The following PARD3B variants were observed in gnomAD, a reference collection of about 807,000 sequenced individuals.
PARD3B encodes par-3 family cell polarity regulator beta.
A neutral mutation model predicts 130.2 loss-of-function variants in PARD3B; 103 were observed. The ratio of observed to expected loss-of-function variants is 0.79; its 90% CI spans 0.67 to 0.93. PARD3B has a LOEUF of 0.93. Among genes scored for constraint, PARD3B ranks in the 40% least tolerant of loss-of-function variants. PARD3B has a pLI of 0.00. For synonymous variants in PARD3B, 583 were observed against 553.2 expected (o/e 1.05, Z -0.76); for missense variants, 1,609 against 1,499.2 (o/e 1.07, Z -1.21).
At chr2:205,481,179 C>A (rs1398522027) in intron 20 of PARD3B, among the ~76,000 whole-genome samples, 1 of 152,054 alleles carries the variant, frequency 6.6e-6, no homozygotes, top group African/African-American at 2.4e-5. Flanking sequence ...TTGATATGAT[C>A]TTAATTATAT....
chr2:205,141,622 A>G (rs1031369346), intron 10 of PARD3B, among the ~76,000 whole-genome samples: 1 of 152,222 alleles, frequency 6.6e-6, no homozygotes, highest in African/African-American at 2.4e-5. Flanking sequence ...ATTTTCTTGC[A>G]TAGCTCAGCC....
Position 204,555,196 on chromosome 2 carries a change from C to A in PARD3B, c.120+9077C>A, listed in dbSNP as rs76164662. Among the ~76,000 whole-genome samples the A allele has an allele frequency of 6.4e-4, 98 of 152,274 alleles. No homozygotes were observed. In the East Asian group the frequency reaches 0.019, roughly 29 times the overall value. On this transcript the variant is annotated intron_variant, in intron 1 of 22. Transcript: ENST00000406610. Reference sequence around the variant, plus strand: ...ACCCTTGGAAGCTTGTGCCTGGTTTCCTGCAGACTTCGCTCTGAATGCCAG... The same window carrying A: ...ACCCTTGGAAGCTTGTGCCTGGTTTACTGCAGACTTCGCTCTGAATGCCAG...
intron 18 of PARD3B, among the ~76,000 whole-genome samples, chr2:205,342,464 G>T (rs2043579654): frequency 6.6e-6 from 1 of 152,124 alleles, no homozygotes; most frequent in South Asian, 2.1e-4. Flanking sequence ...TCATTTCTTT[G>T]TTTTAAAATT....
At chr2:204,809,251 CT>C (rs2042880572) in intron 2 of PARD3B, among the ~76,000 whole-genome samples, 1 of 152,002 alleles carries the variant, frequency 6.6e-6, no homozygotes, top group South Asian at 2.1e-4. Flanking sequence ...TTGAAAGTTT[CT>C]TTTGCTGTTA....
At chr2:204,777,958 CCTT>C (rs1180403737) in intron 2 of PARD3B, among the ~76,000 whole-genome samples, 1 of 152,004 alleles carries the variant, frequency 6.6e-6, no homozygotes, top group Non-Finnish European at 1.5e-5. Context: ...GACAGTTTCT[CCTT>C]CACACACTCT....
chr2:204,822,161 A>C (rs2043386430), intron 2 of PARD3B, among the ~76,000 whole-genome samples: 1 of 152,208 alleles, frequency 6.6e-6, no homozygotes, highest in East Asian at 1.9e-4. Flanking sequence ...GTTTGGAAGA[A>C]GTTGATTCTA....
chr2:205,466,762 G>A (rs2106243281), intron 20 of PARD3B, among the ~76,000 whole-genome samples: 1 of 152,328 alleles, frequency 6.6e-6, no homozygotes, highest in African/African-American at 2.4e-5. Context: ...GCCCAGGCTG[G>A]AGTGCAGTGG....
At chr2:205,490,920 G>A (rs1293758194) in intron 20 of PARD3B, among the ~76,000 whole-genome samples, 2 of 152,194 alleles carry the variant, frequency 1.3e-5, no homozygotes, top group Non-Finnish European at 2.9e-5. Context: ...TTTGAGAAGT[G>A]TCTGTTCATA....
At chr2:204,668,519 A>C (rs1249085412) in intron 1 of PARD3B, among the ~76,000 whole-genome samples, 3 of 152,202 alleles carry the variant, frequency 2.0e-5, no homozygotes, top group South Asian at 4.1e-4. Context: ...TTCTAAATTA[A>C]CACTAAAAGT....
chr2:205,401,228 G>T, intron 19 of PARD3B, 105 bp downstream of exon 19: 1 of 862,658 alleles, frequency 1.2e-6, no homozygotes, highest in Non-Finnish European at 1.8e-6. Context: ...AGAAGTATAG[G>T]GGTTGACCGA....
rs187381493 is a variant in PARD3B at position 205,213,707 on chromosome 2, C to T, written c.2140+20387C>T. On this transcript the variant is annotated intron_variant, in intron 15 of 22. Coordinates refer to ENST00000406610, the MANE Select transcript of PARD3B (RefSeq NM_001302769.2). ...AGGTAGCCCAGAACATAGCACCATA[C>T]GCTCATATTCACTTACCTGGTTTTG... Among the ~76,000 whole-genome samples the T allele has an allele frequency of 3.5e-4, 54 of 152,200 alleles. 1 individual carries two copies. Among genetic ancestry groups the T allele is most frequent in the Admixed American group, 8.5e-4 (13 of 15,272 alleles).
chr2:205,378,896 C>A (rs551517290), intron 18 of PARD3B, among the ~76,000 whole-genome samples: 1 of 151,680 alleles, frequency 6.6e-6, no homozygotes, highest in African/African-American at 2.4e-5. Flanking sequence ...TCGCAAAGTG[C>A]TGGGATTACA....
At chr2:205,112,005 A>G (rs1051054870) in intron 5 of PARD3B, among the ~76,000 whole-genome samples, 1 of 152,078 alleles carries the variant, frequency 6.6e-6, no homozygotes, top group Non-Finnish European at 1.5e-5. Context: ...TTATATTCAG[A>G]CCTTATAATG....
At chr2:205,358,444 T>C (rs778986358) in intron 18 of PARD3B, among the ~76,000 whole-genome samples, 43 of 152,214 alleles carry the variant, frequency 2.8e-4, no homozygotes, top group Non-Finnish European at 5.3e-4. Context: ...ATCTGTTGTT[T>C]TGTGGCTTAG....
intron 1 of PARD3B, among the ~76,000 whole-genome samples, chr2:204,561,539 C>T (rs1031628564): frequency 6.6e-6 from 1 of 151,822 alleles, no homozygotes; most frequent in African/African-American, 2.4e-5. Flanking sequence ...TGTGGGCTGG[C>T]TGCTTCCCTT....
chr2:205,053,890 A>C (rs1243971132), intron 4 of PARD3B, among the ~76,000 whole-genome samples: 4 of 152,068 alleles, frequency 2.6e-5, no homozygotes, highest in African/African-American at 9.7e-5. Flanking sequence ...GAAACTATAA[A>C]AGGTTTTTAT....
At chr2:204,797,928 A>G (rs2125492759) in intron 2 of PARD3B, among the ~76,000 whole-genome samples, 1 of 152,322 alleles carries the variant, frequency 6.6e-6, no homozygotes, top group East Asian at 1.9e-4. Context: ...TTAAATTTAT[A>G]TAATTATCTT....
chr2:204,986,197 C>A (rs1003757368), intron 3 of PARD3B, among the ~76,000 whole-genome samples: 1 of 151,126 alleles, frequency 6.6e-6, no homozygotes, highest in African/African-American at 2.4e-5. Flanking sequence ...TTGATTGGAT[C>A]CCTTTACTTC....
At chr2:205,595,099 G>C (rs1559252586) in intron 22 of PARD3B, among the ~76,000 whole-genome samples, 1 of 152,086 alleles carries the variant, frequency 6.6e-6, no homozygotes, top group Non-Finnish European at 1.5e-5. Context: ...TTACACATGA[G>C]GTTATTGAGG....
Sources: gnomAD v4.1 joint callset for allele counts (sites outside exome capture counted in the v4.1 genomes callset) on GRCh38, gnomAD v4.1.1 for gene constraint, MANE v1.5 for transcripts, NCBI Gene and HGNC (gene_info 2026-07-23, HGNC 2026-07-21) for gene names.